The following GRAMD4 variants were observed in gnomAD, a reference collection of about 807,000 sequenced individuals.
GRAMD4 encodes GRAM domain-containing protein 4.
In GRAMD4, 25 loss-of-function variants were observed where a neutral mutation model predicts 83.9. The ratio of observed to expected loss-of-function variants is 0.30; its 90% confidence interval spans 0.22 to 0.42. The LOEUF is 0.42. GRAMD4 is among the 10% of genes least tolerant of loss of function. The pLI, the probability that GRAMD4 is intolerant of heterozygous loss-of-function variation, is 1.00. For synonymous variants in GRAMD4, 336 were observed against 320.9 expected, an observed-to-expected ratio of 1.05 and a Z score of -0.50; for missense variants, 593 against 788.7, an observed-to-expected ratio of 0.75 and a Z score of 2.97.
At chr22:46,643,177 A>G (rs1297087569) in intron 3 of GRAMD4, among the ~76,000 whole-genome samples, 2 of 119,956 alleles carry the variant, frequency 1.7e-5, no homozygotes, top group Admixed American at 7.9e-5. Flanking sequence ...CCATCCATCC[A>G]TCCATCCATC....
At chr22:46,603,189 G>A (rs963012836) in intron 1 of GRAMD4, among the ~76,000 whole-genome samples, 3 of 140,074 alleles carry the variant, frequency 2.1e-5, no homozygotes, top group African/African-American at 5.3e-5. Context: ...TTAACATAAC[G>A]TATCTTCTCT....
At chr22:46,648,730 GGATGGATGGATGGATGC>G (rs2082111002) in intron 3 of GRAMD4, among the ~76,000 whole-genome samples, 2 of 143,896 alleles carry the variant, frequency 1.4e-5, no homozygotes, top group Admixed American at 6.9e-5. Flanking sequence ...ATGGATGCAT[GGATGGATGGATGGATGC>G]ATGGATGGAT....
intron 3 of GRAMD4, among the ~76,000 whole-genome samples, chr22:46,639,567 T>A (rs187623533): frequency 4.0e-5 from 6 of 149,540 alleles, no homozygotes; most frequent in Non-Finnish European, 7.5e-5. Flanking sequence ...TAACTCTGTG[T>A]GTGTGCGTGT....
intron 4 of GRAMD4, among the ~76,000 whole-genome samples, chr22:46,660,495 C>T (rs1019090991): frequency 2.0e-5 from 3 of 152,240 alleles, no homozygotes; most frequent in East Asian, 1.9e-4. Flanking sequence ...CACATGTGCG[C>T]ACACACTGCA....
At chr22:46,590,560 C>G (rs1291489757) in intron 1 of GRAMD4, among the ~76,000 whole-genome samples, 2 of 152,232 alleles carry the variant, frequency 1.3e-5, no homozygotes, top group African/African-American at 4.8e-5. Flanking sequence ...TTGCTCGTGA[C>G]TGGCCTGGTT....
intron 1 of GRAMD4, among the ~76,000 whole-genome samples, chr22:46,585,604 G>A (rs575590312): frequency 4.7e-4 from 72 of 152,346 alleles, no homozygotes; most frequent in Middle Eastern, 3.4e-3. Flanking sequence ...TTGTGTTCGC[G>A]GTCCCATGAG....
At chr22:46,583,343 A>G (rs1079837) in intron 1 of GRAMD4, among the ~76,000 whole-genome samples, 63,679 of 152,110 alleles carry the variant, frequency 0.42, 13,637 homozygotes, top group African/African-American at 0.48. Context: ...TTACATTAGT[A>G]TGATAGGTTT....
upstream of GRAMD4, chr22:46,577,027 G>T: frequency 6.8e-6 from 1 of 146,048 alleles, no homozygotes; most frequent in South Asian, 2.0e-4. Context: ...CGCGGGGCGC[G>T]GCCCCTTTAA....
upstream of GRAMD4, among the ~76,000 whole-genome samples, chr22:46,619,037 A>G (rs970434467): frequency 2.2e-4 from 34 of 152,304 alleles, no homozygotes; most frequent in African/African-American, 7.7e-4. Flanking sequence ...TCAGCATTTG[A>G]GGCCGCCTGA....
At chr22:46,667,658 G>A (rs980163295) in intron 10 of GRAMD4, among the ~76,000 whole-genome samples, 3 of 152,250 alleles carry the variant, frequency 2.0e-5, no homozygotes, top group African/African-American at 7.2e-5. Flanking sequence ...TGGAGCACCA[G>A]GGGTCAGGGC....
At chr22:46,643,595 G>T (rs1027598842) in intron 3 of GRAMD4, among the ~76,000 whole-genome samples, 2 of 152,208 alleles carry the variant, frequency 1.3e-5, no homozygotes, top group African/African-American at 4.8e-5. Flanking sequence ...GCAAAAGACA[G>T]TTCTGAGTTG....
intron 14 of GRAMD4, 35 bp downstream of exon 14, chr22:46,673,032 T>TG: frequency 1.3e-6 from 2 of 1,517,536 alleles, no homozygotes; most frequent in Middle Eastern, 1.9e-4. Context: ...GATGGGGGGA[T>TG]GGGGGGCCAC....
downstream of GRAMD4, chr22:46,682,363 G>T: frequency 2.3e-6 from 2 of 880,906 alleles, no homozygotes; most frequent in Non-Finnish European, 2.7e-6. Context: ...ACATTCAGCT[G>T]TTACTATCTG....
At chr22:46,609,691 C>T (rs2081399057) in intron 1 of GRAMD4, among the ~76,000 whole-genome samples, 1 of 152,200 alleles carries the variant, frequency 6.6e-6, no homozygotes, top group Admixed American at 6.5e-5. Context: ...CTGGATTCCG[C>T]ATTGTGGAGT....
chr22:46,602,632 A>T (rs1428283340), intron 1 of GRAMD4, among the ~76,000 whole-genome samples: 3 of 152,022 alleles, frequency 2.0e-5, no homozygotes, highest in Non-Finnish European at 4.4e-5. Flanking sequence ...ACTGCACTCC[A>T]GCCTGGGTGA....
At chr22:46,615,687 G>C (rs184129134), upstream of GRAMD4, among the ~76,000 whole-genome samples, 1 of 82,336 alleles carries the variant, frequency 1.2e-5, no homozygotes, top group African/African-American at 4.7e-5. Flanking sequence ...CCTGTGCGTA[G>C]GTTCCCCTGT....
intron 8 of GRAMD4, 129 bp from the exon 9 acceptor site, chr22:46,665,486 G>C (rs2082394043): frequency 3.3e-6 from 2 of 609,408 alleles, no homozygotes; most frequent in Non-Finnish European, 6.0e-6. Context: ...CCTCATCCCT[G>C]AGTGTCTGGA....
chr22:46,638,086 G>A (rs560503168), intron 3 of GRAMD4, 126 bp downstream of exon 3: 47 of 1,010,172 alleles, frequency 4.7e-5, no homozygotes, highest in Middle Eastern at 2.7e-4. Flanking sequence ...CGCTGGACAC[G>A]AGCCCTGGGC....
At chr22:46,681,298 C>G (rs149201019), downstream of GRAMD4, among the ~76,000 whole-genome samples, 47 of 152,318 alleles carry the variant, frequency 3.1e-4, no homozygotes, top group African/African-American at 1.1e-3. Context: ...ACCACCCACC[C>G]TCGGCCCACA....
Sources: gnomAD v4.1 joint callset for allele counts (sites outside exome capture counted in the v4.1 genomes callset) on GRCh38, gnomAD v4.1.1 for gene constraint, MANE v1.5 for transcripts, NCBI Gene and HGNC (gene_info 2026-07-23, HGNC 2026-07-21) for gene names.